The following NOL4L variants were observed in gnomAD, a reference collection of about 807,000 sequenced individuals.
The protein encoded by NOL4L is nucleolar protein 4-like.
A neutral mutation model predicts 64.5 loss-of-function variants in NOL4L; 7 were observed. That is an observed-to-expected ratio of 0.11 (90% CI 0.06 to 0.20). The LOEUF (loss-of-function observed/expected upper bound fraction) is 0.20, where lower values mean the gene tolerates loss of function less well. Among genes scored for constraint, NOL4L ranks in the 10% least tolerant of loss-of-function variants. The probability of loss-of-function intolerance (pLI) is 1.00; values close to 1 mark genes in which losing one functional copy is unlikely to be tolerated. For synonymous variants in NOL4L, 413 were observed against 401.0 expected (o/e 1.03, Z -0.36); for missense variants, 680 against 967.1 (o/e 0.70, Z 3.94).
At chr20:32,509,903 G>C (rs984115951) in intron 4 of NOL4L, 2 of 1,304,214 alleles carry the variant, frequency 1.5e-6, no homozygotes, top group Non-Finnish European at 2.0e-6. Flanking sequence ...GGTGATAACA[G>C]TGTTTACGAA....
intron 1 of NOL4L, among the ~76,000 whole-genome samples, chr20:32,541,759 C>T (rs553490218): frequency 6.6e-6 from 1 of 152,376 alleles, no homozygotes; most frequent in African/African-American, 2.4e-5. Flanking sequence ...GGCCAGCCTC[C>T]CCTCTGTCCA....
At chr20:32,473,611 C>CGCGCA (rs1298988088) in intron 5 of NOL4L, among the ~76,000 whole-genome samples, 5 of 152,218 alleles carry the variant, frequency 3.3e-5, no homozygotes. Context: ...GGGAGGCAGG[C>CGCGCA]GCGCAGGTTC....
chr20:32,482,670 C>T (rs1268977102), intron 4 of NOL4L, among the ~76,000 whole-genome samples: 2 of 150,694 alleles, frequency 1.3e-5, no homozygotes, highest in Non-Finnish European at 3.0e-5. Flanking sequence ...ACGCCCGCGG[C>T]TTCCGGTCAG....
Position 32,444,669 on chromosome 20 carries a change from C to A in NOL4L, c.*2927G>T, listed in dbSNP as rs1369470374. The A allele has an allele frequency of 1.3e-5, 2 of 152,236 alleles. No homozygotes were observed. Among genetic ancestry groups the A allele is most frequent in the African/African-American group, 4.8e-5 (2 of 41,446 alleles). 9.4% of individuals were successfully genotyped at this position (152,236 alleles called of 1,614,324 possible). A position where few individuals can be genotyped will look rare whatever the true frequency, so the allele number is the denominator to read the frequency against. Reference sequence around the variant, plus strand: ...CAATGCCCACTTCTCTGATGCTACCCTTCTTGTGGGATTAGCCTCCTGCAA... The same window carrying A: ...CAATGCCCACTTCTCTGATGCTACCATTCTTGTGGGATTAGCCTCCTGCAA... On this transcript the variant is annotated 3_prime_UTR_variant, in exon 11 of 11. Transcript: ENST00000621426.
chr20:32,504,572 A>G (rs1269977916), intron 4 of NOL4L, among the ~76,000 whole-genome samples: 3 of 145,984 alleles, frequency 2.1e-5, no homozygotes, highest in African/African-American at 7.9e-5. Context: ...AAAAAAAAAG[A>G]AAGAAAGAAA....
intron 4 of NOL4L, chr20:32,475,243 C>T (rs1375386639): frequency 7.1e-6 from 7 of 985,354 alleles, no homozygotes; most frequent in Non-Finnish European, 7.2e-6. Context: ...TCCTTTCTCC[C>T]ACTCCCCCAG....
chr20:32,543,439 T>G (rs2018686628), intron 1 of NOL4L, among the ~76,000 whole-genome samples: 1 of 152,064 alleles, frequency 6.6e-6, no homozygotes, highest in African/African-American at 2.4e-5. Context: ...ACCAATATGG[T>G]GAAACCCTGT....
At chr20:32,579,386 A>G (rs62208047) in intron 1 of NOL4L, among the ~76,000 whole-genome samples, 2,176 of 152,366 alleles carry the variant, frequency 0.014, 17 homozygotes, top group Middle Eastern at 0.02. Flanking sequence ...ACACATGTTC[A>G]GGATTCAGTC....
intron 1 of NOL4L, among the ~76,000 whole-genome samples, chr20:32,557,303 A>G (rs1978717632): frequency 6.6e-6 from 1 of 152,208 alleles, no homozygotes; most frequent in African/African-American, 2.4e-5. Context: ...AAGCCTCCTT[A>G]TCACTTGCAT....
intron 1 of NOL4L, among the ~76,000 whole-genome samples, chr20:32,539,200 G>A (rs1231264564): frequency 6.6e-6 from 1 of 152,206 alleles, no homozygotes; most frequent in African/African-American, 2.4e-5. Flanking sequence ...ACCCTGTCAC[G>A]TGGTTAAGCA....
At chr20:32,461,398 A>ACTGACC in intron 5 of NOL4L, among the ~76,000 whole-genome samples, 1 of 141,246 alleles carries the variant, frequency 7.1e-6, no homozygotes, top group East Asian at 2.1e-4. Flanking sequence ...GCTCTGGCAC[A>ACTGACC]CTGACCCCTC....
At chr20:32,493,001 CA>C (rs138908373) in intron 4 of NOL4L, among the ~76,000 whole-genome samples, 3,186 of 152,304 alleles carry the variant, frequency 0.021, 39 homozygotes, top group African/African-American at 0.035. Context: ...AGGAATCCAC[CA>C]GTGCGAGTCA....
At chr20:32,477,375 C>T (rs12480462) in intron 4 of NOL4L, among the ~76,000 whole-genome samples, 49,167 of 152,076 alleles carry the variant, frequency 0.32, 9,494 homozygotes, top group East Asian at 0.81. Flanking sequence ...CTGGACACGC[C>T]CTCCTAACTG....
chr20:32,524,958 G>T (rs139658771), intron 2 of NOL4L, among the ~76,000 whole-genome samples: 1 of 152,230 alleles, frequency 6.6e-6, no homozygotes, highest in Non-Finnish European at 1.5e-5. Flanking sequence ...TCACACCCAC[G>T]GCAGGAGGGC....
At position 32,444,232 on chromosome 20, in the gene NOL4L, A is replaced by G. The variant is rs2012239482; in HGVS notation, c.*3364T>C. ...GAAAAAGGATTGAGCTGTTTAGCTC[A>G]GAAACAACAAAAACAAAGTTTCTAA... On this transcript the variant is annotated 3_prime_UTR_variant, in exon 11 of 11. Coordinates refer to ENST00000621426, the MANE Select transcript of NOL4L (RefSeq NM_001256798.2). 6.6e-6 allele frequency: 1 copy of G among 152,262 alleles called. No homozygotes were observed. The highest frequency in any genetic ancestry group is 1.5e-5 in the Non-Finnish European group (1 of 68,044). The allele number at this position is 152,262 out of a possible 1,614,324, so 9.4% of individuals were successfully genotyped here.
intron 2 of NOL4L, 125 bp downstream of exon 2, chr20:32,527,633 C>A: frequency 7.7e-6 from 9 of 1,172,318 alleles, no homozygotes; most frequent in African/African-American, 1.5e-5. Context: ...CCCCCTAGAT[C>A]CCCAAAGGCC....
At chr20:32,506,409 C>T (rs1215874375) in intron 4 of NOL4L, among the ~76,000 whole-genome samples, 1 of 152,034 alleles carries the variant, frequency 6.6e-6, no homozygotes, top group Non-Finnish European at 1.5e-5. Context: ...CACTTGTAAT[C>T]CCAGCACTTT....
chr20:32,575,261 ACTGTGGTTCTCAAG>A (rs1941268851), intron 1 of NOL4L, among the ~76,000 whole-genome samples: 1 of 151,512 alleles, frequency 6.6e-6, no homozygotes, highest in Admixed American at 6.6e-5. Context: ...TCAGGACCCC[ACTGTGGTTCTCAAG>A]CTGACTTGGC....
chr20:32,480,416 A>G (rs1392329493), intron 4 of NOL4L, among the ~76,000 whole-genome samples: 1 of 152,144 alleles, frequency 6.6e-6, no homozygotes, highest in African/African-American at 2.4e-5. Flanking sequence ...CCCTCTCTAT[A>G]CAGCCCCCAG....
Sources: gnomAD v4.1 joint callset for allele counts (sites outside exome capture counted in the v4.1 genomes callset) on GRCh38, gnomAD v4.1.1 for gene constraint, MANE v1.5 for transcripts, NCBI Gene and HGNC (gene_info 2026-07-23, HGNC 2026-07-21) for gene names.